Variants in RANBP2 observed in about 807,000 individuals in gnomAD.
RANBP2 encodes RAN binding protein 2, also known as E3 SUMO-protein ligase RanBP2.
In RANBP2, 57 loss-of-function variants were observed where a neutral mutation model predicts 303.6. The ratio of observed to expected loss-of-function variants is 0.19; its 90% confidence interval spans 0.15 to 0.23. RANBP2 has a LOEUF of 0.23. Among genes scored for constraint, RANBP2 ranks in the 10% least tolerant of loss-of-function variants. The pLI is 1.00. For missense variants in RANBP2, 3,138 were observed against 3,780.8 expected (o/e 0.83, Z 4.46); for synonymous variants, 1,167 against 1,301.5 (o/e 0.90, Z 2.23).
the RANBP2 span, among the ~76,000 whole-genome samples, chr2:109,320,498 C>T: frequency 3.9e-5 from 6 of 152,314 alleles, no homozygotes; most frequent in Non-Finnish European, 5.9e-5. Context: ...GCCAGTTATA[C>T]CCTTTCATGC....
chr2:109,384,215 GC>G, the RANBP2 span, among the ~76,000 whole-genome samples: 1 of 152,222 alleles, frequency 6.6e-6, no homozygotes, highest in African/African-American at 2.4e-5. Flanking sequence ...CCCCGGGGAT[GC>G]AGCCTGAATG....
At chr2:108,811,195 C>A in the RANBP2 span, among the ~76,000 whole-genome samples, 1 of 147,864 alleles carries the variant, frequency 6.8e-6, no homozygotes, top group Admixed American at 6.8e-5. Context: ...GTTTCCTTCC[C>A]TTCCTTCCCT....
the RANBP2 span, among the ~76,000 whole-genome samples, chr2:109,603,893 G>C: frequency 1.3e-5 from 2 of 152,028 alleles, no homozygotes; most frequent in Non-Finnish European, 2.9e-5. Context: ...CGGGCACGGT[G>C]GCTCACACCT....
the RANBP2 span, among the ~76,000 whole-genome samples, chr2:109,157,498 G>C: frequency 6.6e-6 from 1 of 152,122 alleles, no homozygotes; most frequent in Admixed American, 6.5e-5. Flanking sequence ...ACACCCTCTG[G>C]ATCTGAAACT....
chr2:109,375,226 T>A, the RANBP2 span, among the ~76,000 whole-genome samples: 1 of 152,264 alleles, frequency 6.6e-6, no homozygotes, highest in East Asian at 1.9e-4. Context: ...TGCCCAGCTC[T>A]TCTTCCCATG....
the RANBP2 span, among the ~76,000 whole-genome samples, chr2:108,814,821 A>T: frequency 6.6e-6 from 1 of 151,764 alleles, no homozygotes; most frequent in Admixed American, 6.6e-5. Flanking sequence ...TTTTTAGTAG[A>T]GACAGCGTTT....
chr2:109,399,016 C>T, the RANBP2 span: 9 of 1,441,202 alleles, frequency 6.2e-6, no homozygotes, highest in Admixed American at 2.0e-5. Context: ...TGTTCAGTGT[C>T]CCCCGTTCCT....
chr2:108,740,771 T>A, intron 7 of RANBP2, 90 bp downstream of exon 7: 1 of 1,579,800 alleles, frequency 6.3e-7, no homozygotes, highest in Non-Finnish European at 8.5e-7. Context: ...AATGACAATA[T>A]GTGAACAAAC....
the RANBP2 span, among the ~76,000 whole-genome samples, chr2:109,512,467 G>T: frequency 6.6e-6 from 1 of 152,104 alleles, no homozygotes; most frequent in East Asian, 1.9e-4. Context: ...GGCTGCCTGG[G>T]GGTCCACTCT....
chr2:109,109,190 A>G, the RANBP2 span, among the ~76,000 whole-genome samples: 4 of 152,344 alleles, frequency 2.6e-5, no homozygotes, highest in African/African-American at 9.6e-5. Context: ...CAGTGAGTGA[A>G]TGAATGAACC....
the RANBP2 span, among the ~76,000 whole-genome samples, chr2:109,004,269 G>A: frequency 1.0e-3 from 152 of 152,312 alleles, no homozygotes; most frequent in African/African-American, 3.6e-3. Flanking sequence ...GTGGGTGTGA[G>A]GGAGTAAGGG....
At chr2:109,579,885 C>T in the RANBP2 span, among the ~76,000 whole-genome samples, 1 of 151,782 alleles carries the variant, frequency 6.6e-6, no homozygotes, top group Non-Finnish European at 1.5e-5. Context: ...CTTTGGGAAG[C>T]TAAGGCGTGT....
intron 1 of RANBP2, among the ~76,000 whole-genome samples, chr2:108,723,381 A>G (rs1430890256): frequency 1.4e-4 from 21 of 149,750 alleles, no homozygotes; most frequent in Admixed American, 8.0e-4. Context: ...CCGGGTTCAC[A>G]CCATTCTCCT....
At chr2:109,347,980 G>A in the RANBP2 span, 3 of 1,566,462 alleles carry the variant, frequency 1.9e-6, no homozygotes, top group South Asian at 3.5e-5. Flanking sequence ...GGCCCCGCCA[G>A]CCCATGCAGC....
the RANBP2 span, among the ~76,000 whole-genome samples, chr2:108,869,354 T>A: frequency 1.3e-5 from 2 of 152,160 alleles, no homozygotes; most frequent in African/African-American, 2.4e-5. Flanking sequence ...ATGGCCCAGT[T>A]CTCCATTCCC....
the RANBP2 span, among the ~76,000 whole-genome samples, chr2:109,001,993 G>A: frequency 6.6e-6 from 1 of 152,108 alleles, no homozygotes; most frequent in Non-Finnish European, 1.5e-5. Context: ...GCCTCCCAAA[G>A]TGCTGGGATT....
At chr2:109,306,747 A>G in the RANBP2 span, among the ~76,000 whole-genome samples, 2 of 152,216 alleles carry the variant, frequency 1.3e-5, no homozygotes, top group Non-Finnish European at 2.9e-5. Context: ...TGGTGATTCC[A>G]CTAGGGGATG....
chr2:109,574,445 A>T, the RANBP2 span: 3 of 107,290 alleles, frequency 2.8e-5, no homozygotes, highest in Non-Finnish European at 4.1e-5. Flanking sequence ...TTTATCTCTA[A>T]AAAAAAAAAA....
At chr2:108,773,723 T>A (rs1228666482) in intron 23 of RANBP2, among the ~76,000 whole-genome samples, 1 of 151,960 alleles carries the variant, frequency 6.6e-6, no homozygotes, top group Non-Finnish European at 1.5e-5. Context: ...CTCTGCTCGC[T>A]GCAACCTCTG....
Sources: allele counts gnomAD v4.1 joint callset (sites outside exome capture counted in the v4.1 genomes callset), GRCh38; gene constraint gnomAD v4.1.1; transcripts MANE v1.5; gene names NCBI Gene and HGNC (gene_info 2026-07-23, HGNC 2026-07-21).